DOCK2: variants seen among roughly 807,000 people sequenced by gnomAD.
DOCK2 encodes dedicator of cytokinesis protein 2.
DOCK2 carries 87 observed loss-of-function variants against 248.9 expected under a neutral mutation model. The ratio of observed to expected loss-of-function variants is 0.35; its 90% CI spans 0.29 to 0.42. The LOEUF is 0.42. DOCK2 is among the 10% of genes least tolerant of loss of function. The pLI is 1.00. For synonymous variants in DOCK2, 805 were observed against 821.6 expected, an observed-to-expected ratio of 0.98 and a Z score of 0.35; for missense variants, 1,747 against 2,300.2, an observed-to-expected ratio of 0.76 and a Z score of 4.92.
intron 27 of DOCK2, chr5:169,883,343 A>G (rs1312134315): frequency 4.5e-6 from 7 of 1,551,674 alleles, no homozygotes; most frequent in Non-Finnish European, 5.2e-6. Context: ...GCTTCCAAGC[A>G]TATGCTAACA....
intron 25 of DOCK2, among the ~76,000 whole-genome samples, chr5:169,780,663 G>A (rs943064927): frequency 2.0e-5 from 3 of 152,140 alleles, no homozygotes; most frequent in East Asian, 3.8e-4. Context: ...CCAGTAACTG[G>A]CACTGGGATA....
At chr5:169,927,853 T>C (rs1775549249) in intron 27 of DOCK2, among the ~76,000 whole-genome samples, 1 of 152,146 alleles carries the variant, frequency 6.6e-6, no homozygotes. Flanking sequence ...CCTGACCTCA[T>C]GATCCACCCG....
At chr5:169,983,977 T>C (rs1017207381) in intron 28 of DOCK2, among the ~76,000 whole-genome samples, 1 of 152,202 alleles carries the variant, frequency 6.6e-6, no homozygotes, top group Non-Finnish European at 1.5e-5. Flanking sequence ...CCCTATGTCT[T>C]AAGACATGGA....
Position 169,684,023 on chromosome 5 carries a change from G to A in DOCK2, c.607-173G>A, listed in dbSNP as rs899265876. ...CATTTCCCAAGATAGAAAAATACAG[G>A]CCAAGAGAGTCAAAGCGAATTGATT... On this transcript the variant is annotated intron_variant, in intron 7 of 51. Transcript: ENST00000520908. Among the ~76,000 whole-genome samples the A allele has an allele frequency of 5.3e-5, 8 of 152,146 alleles. No individual in the cohort carries two copies. In the South Asian group the frequency reaches 1.2e-3, roughly 24 times the overall value.
chr5:169,974,825 T>A (rs1056436985), intron 27 of DOCK2, among the ~76,000 whole-genome samples: 2 of 151,806 alleles, frequency 1.3e-5, no homozygotes, highest in South Asian at 4.2e-4. Flanking sequence ...GCAATCATAT[T>A]TGTGACCCCC....
At chr5:169,822,350 T>C (rs1387211046) in intron 26 of DOCK2, among the ~76,000 whole-genome samples, 9 of 152,170 alleles carry the variant, frequency 5.9e-5, no homozygotes, top group Non-Finnish European at 1.0e-4. Flanking sequence ...TGTTCCAAAA[T>C]TGACCACATA....
intron 27 of DOCK2, among the ~76,000 whole-genome samples, chr5:169,905,128 G>A (rs928673802): frequency 2.0e-5 from 3 of 152,192 alleles, no homozygotes; most frequent in Non-Finnish European, 2.9e-5. Context: ...TCTACAGTGG[G>A]TTTAGGAAGG....
At chr5:169,782,927 T>G (rs998156083) in intron 25 of DOCK2, among the ~76,000 whole-genome samples, 3 of 152,168 alleles carry the variant, frequency 2.0e-5, no homozygotes, top group Admixed American at 6.5e-5. Context: ...GTTTTCCAAT[T>G]CAAAAAATGT....
chr5:169,803,877 C>A (rs1178514102), intron 26 of DOCK2, among the ~76,000 whole-genome samples: 2 of 152,070 alleles, frequency 1.3e-5, no homozygotes, highest in Non-Finnish European at 1.5e-5. Flanking sequence ...AGTGATTAGA[C>A]CCAGGCCTGG....
intron 27 of DOCK2, among the ~76,000 whole-genome samples, chr5:169,852,172 A>G (rs1021617448): frequency 6.6e-6 from 1 of 152,140 alleles, no homozygotes; most frequent in Non-Finnish European, 1.5e-5. Context: ...CCATCATCAA[A>G]TCCTAATGAA....
intron 14 of DOCK2, among the ~76,000 whole-genome samples, chr5:169,705,036 C>T (rs1761188417): frequency 6.6e-6 from 1 of 152,004 alleles, no homozygotes; most frequent in South Asian, 2.1e-4. Flanking sequence ...GTGGCAAGCA[C>T]CTGTAATCCC....
intron 46 of DOCK2, among the ~76,000 whole-genome samples, chr5:170,071,185 G>A (rs1581574747): frequency 6.6e-6 from 1 of 152,298 alleles, no homozygotes; most frequent in Admixed American, 6.5e-5. Context: ...ATTATCACAT[G>A]CAGCAGATTA....
chr5:169,678,297 A>G (rs1193067713), intron 6 of DOCK2, among the ~76,000 whole-genome samples: 1 of 150,778 alleles, frequency 6.6e-6, no homozygotes, highest in Non-Finnish European at 1.5e-5. Flanking sequence ...CTTTTTTGAG[A>G]CAGAGTCTCG....
At chr5:170,060,281 G>A (rs1172722387) in intron 44 of DOCK2, among the ~76,000 whole-genome samples, 1 of 152,094 alleles carries the variant, frequency 6.6e-6, no homozygotes, top group Non-Finnish European at 1.5e-5. Context: ...TATATCTCTG[G>A]GTCTTAGTTT....
At chr5:170,078,571 G>A (rs1181131040) in intron 48 of DOCK2, among the ~76,000 whole-genome samples, 1 of 152,192 alleles carries the variant, frequency 6.6e-6, no homozygotes, top group South Asian at 2.1e-4. Context: ...CAAGGTCTCT[G>A]CGAAGACCTC....
At chr5:170,058,245 A>T (rs1219415452) in intron 44 of DOCK2, among the ~76,000 whole-genome samples, 2 of 152,178 alleles carry the variant, frequency 1.3e-5, no homozygotes, top group East Asian at 3.8e-4. Flanking sequence ...TTGTGAGGAA[A>T]CCTTGTAAAT....
intron 26 of DOCK2, among the ~76,000 whole-genome samples, chr5:169,806,270 G>A (rs898959693): frequency 2.2e-5 from 3 of 138,028 alleles, no homozygotes; most frequent in African/African-American, 8.0e-5. Flanking sequence ...CTCCTGAGTA[G>A]ATACAACTAT....
intron 33 of DOCK2, among the ~76,000 whole-genome samples, chr5:170,020,006 T>A (rs1262542730): frequency 6.6e-6 from 1 of 152,150 alleles, no homozygotes; most frequent in Non-Finnish European, 1.5e-5. Flanking sequence ...GATTCCAAAC[T>A]GCCTTTCCTT....
intron 27 of DOCK2, among the ~76,000 whole-genome samples, chr5:169,953,872 C>T (rs1044762446): frequency 1.8e-4 from 28 of 152,136 alleles, no homozygotes; most frequent in South Asian, 6.2e-4. Context: ...TTACTTGTTC[C>T]GAGTTAGTTT....
Sources: allele counts gnomAD v4.1 joint callset (sites outside exome capture counted in the v4.1 genomes callset), GRCh38; gene constraint gnomAD v4.1.1; transcripts MANE v1.5; gene names NCBI Gene and HGNC (gene_info 2026-07-23, HGNC 2026-07-21).